UNC13C: variants seen among roughly 807,000 people sequenced by gnomAD.
UNC13C encodes protein unc-13 homolog C.
UNC13C carries 174 observed loss-of-function variants against 245.4 expected under a neutral mutation model. That is an observed-to-expected ratio of 0.71 (90% confidence interval 0.63 to 0.80). The LOEUF (loss-of-function observed/expected upper bound fraction) is 0.80, where lower values mean the gene tolerates loss of function less well. Among genes scored for constraint, UNC13C ranks in the 30% least tolerant of loss-of-function variants. The pLI, the probability that UNC13C is intolerant of heterozygous loss-of-function variation, is 0.00. For synonymous variants in UNC13C, 992 were observed against 895.1 expected, an observed-to-expected ratio of 1.11 and a Z score of -1.93; for missense variants, 2,829 against 2,602.9, an observed-to-expected ratio of 1.09 and a Z score of -1.89.
intron 25 of UNC13C, among the ~76,000 whole-genome samples, chr15:54,530,511 G>A (rs1235103890): frequency 6.6e-6 from 1 of 152,228 alleles, no homozygotes; most frequent in African/African-American, 2.4e-5. Flanking sequence ...AGGGAAACAG[G>A]CAATAAGCAA....
At chr15:54,241,660 A>G (rs1335149556) in intron 7 of UNC13C, among the ~76,000 whole-genome samples, 2 of 152,230 alleles carry the variant, frequency 1.3e-5, no homozygotes, top group African/African-American at 4.8e-5. Flanking sequence ...GTGAGAATTA[A>G]AAGAAATAGC....
chr15:54,371,519 C>A (rs565250914), intron 17 of UNC13C, among the ~76,000 whole-genome samples: 2 of 152,182 alleles, frequency 1.3e-5, no homozygotes, highest in East Asian at 1.9e-4. Flanking sequence ...GGCTTAGCAG[C>A]AGTTCTTAGT....
intron 22 of UNC13C, among the ~76,000 whole-genome samples, chr15:54,504,481 A>G (rs1200632353): frequency 2.6e-5 from 4 of 152,312 alleles, no homozygotes; most frequent in African/African-American, 9.6e-5. Context: ...AATGATATAG[A>G]TAGAATCAAC....
chr15:53,951,650 C>T, the UNC13C span, among the ~76,000 whole-genome samples: 35 of 152,078 alleles, frequency 2.3e-4, no homozygotes, highest in Admixed American at 1.4e-3. Flanking sequence ...AGTGGTGGAG[C>T]CAAGATAAAA....
At chr15:54,284,421 G>T (rs1368234676) in intron 10 of UNC13C, among the ~76,000 whole-genome samples, 3 of 152,056 alleles carry the variant, frequency 2.0e-5, no homozygotes, top group African/African-American at 7.2e-5. Context: ...CTAGAGCTTG[G>T]AACAAACAAA....
chr15:54,475,650 T>C (rs1407746968), intron 19 of UNC13C, among the ~76,000 whole-genome samples: 3 of 150,638 alleles, frequency 2.0e-5, no homozygotes, highest in African/African-American at 7.3e-5. Context: ...TCATTTTTTA[T>C]GGCTGCATAG....
At chr15:54,530,543 G>A (rs559895483) in intron 25 of UNC13C, among the ~76,000 whole-genome samples, 21 of 152,222 alleles carry the variant, frequency 1.4e-4, no homozygotes, top group African/African-American at 1.7e-4. Context: ...TATGCAGTGC[G>A]TCATATAATG....
intron 30 of UNC13C, among the ~76,000 whole-genome samples, chr15:54,613,317 G>T (rs777118225): frequency 6.6e-6 from 1 of 151,718 alleles, no homozygotes; most frequent in Non-Finnish European, 1.5e-5. Context: ...AATCCCAATA[G>T]TTGACATATT....
At chr15:54,012,467 G>T (rs971369181) in intron 1 of UNC13C, among the ~76,000 whole-genome samples, 181 bp from the exon 2 acceptor site, 1 of 152,080 alleles carries the variant, frequency 6.6e-6, no homozygotes, top group Non-Finnish European at 1.5e-5. Flanking sequence ...CATAGTTATT[G>T]GTAGTGATTT....
intron 4 of UNC13C, among the ~76,000 whole-genome samples, chr15:54,197,454 C>G (rs1383895872): frequency 1.4e-5 from 2 of 145,590 alleles, no homozygotes; most frequent in African/African-American, 2.6e-5. Flanking sequence ...CAGAGTGAGA[C>G]TCCATCTCAA....
intron 29 of UNC13C, among the ~76,000 whole-genome samples, chr15:54,559,542 G>A (rs564353956): frequency 6.6e-6 from 1 of 152,096 alleles, no homozygotes; most frequent in South Asian, 2.1e-4. Context: ...AAAATATGGT[G>A]AGCAATGAGG....
At chr15:53,880,100 T>A in the UNC13C span, among the ~76,000 whole-genome samples, 1 of 152,052 alleles carries the variant, frequency 6.6e-6, no homozygotes, top group Admixed American at 6.6e-5. Context: ...TCATGTCCAT[T>A]TTTACAGACA....
At chr15:54,246,901 C>G (rs1186337906) in intron 7 of UNC13C, among the ~76,000 whole-genome samples, 1 of 152,134 alleles carries the variant, frequency 6.6e-6, no homozygotes, top group East Asian at 1.9e-4. Context: ...TACCCTTGTA[C>G]TTAAAATAAA....
At chr15:54,297,384 A>G (rs934822253) in intron 11 of UNC13C, among the ~76,000 whole-genome samples, 7 of 152,194 alleles carry the variant, frequency 4.6e-5, no homozygotes, top group African/African-American at 1.4e-4. Context: ...ACAGGGTCTC[A>G]CTCTGTTAGA....
rs771579465 is a variant in UNC13C, at chr15:54,108,403, G to A, written c.2984-34615G>A. Among the ~76,000 whole-genome samples, 15 of 152,180 alleles carry A rather than the reference G, an allele frequency of 9.9e-5. No individual in the cohort carries two copies. The South Asian group carries it at 1.0e-3, about 11-fold the overall frequency. ...GGGGTTTCACCGTGTTAGCCAGGAT[G>A]GTCTCAGTCTCCTGACCTCATGATC... On this transcript the variant is annotated intron_variant, in intron 2 of 32. Transcript: ENST00000260323.
At chr15:53,876,743 A>G in the UNC13C span, among the ~76,000 whole-genome samples, 1 of 152,194 alleles carries the variant, frequency 6.6e-6, no homozygotes, top group Admixed American at 6.5e-5. Flanking sequence ...TCTCCATCTT[A>G]TTGTAGAAGT....
chr15:53,869,619 C>T, the UNC13C span, among the ~76,000 whole-genome samples: 101 of 152,268 alleles, frequency 6.6e-4, no homozygotes, highest in African/African-American at 1.9e-3. Flanking sequence ...CCTGACCCAA[C>T]GACAGATGAA....
intron 25 of UNC13C, 47 bp downstream of exon 25, chr15:54,525,684 A>C (rs1469086735): frequency 6.8e-7 from 1 of 1,468,610 alleles, no homozygotes; most frequent in African/African-American, 1.4e-5. Context: ...ATTAGGTGTC[A>C]GTTCATGATA....
intron 19 of UNC13C, among the ~76,000 whole-genome samples, chr15:54,479,596 A>T (rs933158270): frequency 2.0e-5 from 3 of 151,540 alleles, no homozygotes; most frequent in Non-Finnish European, 4.4e-5. Flanking sequence ...GTGATAACTT[A>T]CTCCTGTCAT....
Sources: gnomAD v4.1 joint callset for allele counts (sites outside exome capture counted in the v4.1 genomes callset) on GRCh38, gnomAD v4.1.1 for gene constraint, MANE v1.5 for transcripts, NCBI Gene and HGNC (gene_info 2026-07-23, HGNC 2026-07-21) for gene names.